The following SYT13 variants were observed in gnomAD, a reference collection of about 807,000 sequenced individuals.
SYT13 encodes the protein synaptotagmin-13.
Under a neutral mutation model 38.6 loss-of-function variants are expected in SYT13, and 21 were observed. The observed-to-expected ratio is 0.54, with a 90% CI of 0.39 to 0.78. The LOEUF (loss-of-function observed/expected upper bound fraction) is 0.78, where lower values mean the gene tolerates loss of function less well. Among genes scored for constraint, SYT13 ranks in the 30% least tolerant of loss-of-function variants. The probability of loss-of-function intolerance (pLI) is 0.00; values close to 1 mark genes in which losing one functional copy is unlikely to be tolerated. For missense variants in SYT13, 495 were observed against 548.7 expected (o/e 0.90, Z 0.98); for synonymous variants, 241 against 237.6 (o/e 1.01, Z -0.13).
intron 1 of SYT13, among the ~76,000 whole-genome samples, chr11:45,276,369 G>A (rs1475507236): frequency 6.6e-6 from 1 of 152,190 alleles, no homozygotes; most frequent in Non-Finnish European, 1.5e-5. Flanking sequence ...ACTCATAAGT[G>A]AGAGTTGAAC....
intron 4 of SYT13, among the ~76,000 whole-genome samples, chr11:45,247,894 T>C (rs1374932235): frequency 1.3e-5 from 2 of 152,200 alleles, no homozygotes; most frequent in African/African-American, 4.8e-5. Context: ...AATATAGATA[T>C]CAGAGGATGA....
At chr11:45,272,993 T>A in intron 1 of SYT13, among the ~76,000 whole-genome samples, 1 of 152,198 alleles carries the variant, frequency 6.6e-6, no homozygotes, top group Non-Finnish European at 1.5e-5. Flanking sequence ...TTTATTATTA[T>A]TAATCATTAG....
intron 1 of SYT13, among the ~76,000 whole-genome samples, chr11:45,257,123 G>T (rs899445823): frequency 1.3e-5 from 2 of 152,114 alleles, no homozygotes; most frequent in Admixed American, 6.5e-5. Flanking sequence ...GGCCCTTTTC[G>T]CTTGGAACGA....
rs531296587 is a variant in SYT13, at chr11:45,243,815, C to T, written c.*237G>A. On this transcript the variant is annotated 3_prime_UTR_variant, in exon 6 of 6. Transcript: ENST00000020926. ...AGGCATAGGAACTGTATTTAATAAG[C>T]ACCTCCTTCAATAACACAGATGAGC... 8.0e-6 allele frequency: 4 copies of T among 503,094 alleles called. No individual in the cohort carries two copies. The highest frequency in any genetic ancestry group is 5.8e-5 in the African/African-American group (3 of 52,080). 31.2% of individuals were successfully genotyped at this position (503,094 alleles called of 1,614,324 possible). A position where few individuals can be genotyped will look rare whatever the true frequency, so the allele number is the denominator to read the frequency against.
intron 1 of SYT13, 100 bp downstream of exon 1, chr11:45,285,925 G>A (rs928100835): frequency 6.7e-6 from 10 of 1,484,168 alleles, no homozygotes; most frequent in Non-Finnish European, 9.1e-6. Flanking sequence ...AAGCTTTGTC[G>A]CGCAAAGATC....
rs139236137 is a variant in SYT13, at chr11:45,241,096, G to T, written c.*2956C>A. On this transcript the variant is annotated 3_prime_UTR_variant, in exon 6 of 6. Transcript: ENST00000020926. ...TTCATCTGTTGATTACATTTACATG[G>T]AGAGCAATGAGTTGCCATTAGGCAA... 6.6e-6 allele frequency: 1 copy of T among 152,188 alleles called. No homozygotes were observed. The highest frequency in any genetic ancestry group is 1.5e-5 in the Non-Finnish European group (1 of 68,040). The allele number at this position is 152,188 out of a possible 1,614,324, so 9.4% of individuals were successfully genotyped here. A position where few individuals can be genotyped will look rare whatever the true frequency, so the allele number is the denominator to read the frequency against.
rs1035423566 is a variant in SYT13, at chr11:45,244,244, C to T, written c.1089G>A (p.Glu363=). The change falls in exon 6 of 6, where the codon GAG becomes GAA. Residue 363 remains glutamate, a synonymous_variant. Transcript: ENST00000020926. Reference sequence around the variant, plus strand: ...AGGCCTGCAGCAGGTCGTCAGGCAGCTCAAACATGATCATCTCGTTCCACA... The same window carrying T: ...AGGCCTGCAGCAGGTCGTCAGGCAGTTCAAACATGATCATCTCGTTCCACA... ...NPVWNEMIMF[E]LPDDLLQASS... is the part of the protein sequence containing the mutation. 1.2e-6 allele frequency: 2 copies of T among 1,614,042 alleles called. No individual in the cohort carries two copies. Among genetic ancestry groups the T allele is most frequent in the South Asian group, 2.2e-5 (2 of 91,076 alleles).
rs900931279 is a variant in SYT13 at position 45,243,612 on chromosome 11, C to T, written c.*440G>A. The T allele has an allele frequency of 2.6e-5, 4 of 155,384 alleles. No individual in the cohort carries two copies. Among genetic ancestry groups the T allele is most frequent in the East Asian group, 1.9e-4 (1 of 5,276 alleles). The allele number at this position is 155,384 out of a possible 1,614,324, so 9.6% of individuals were successfully genotyped here. On this transcript the variant is annotated 3_prime_UTR_variant, in exon 6 of 6. Transcript: ENST00000020926. ...GCCCTGCATGGTGAGCTTGATTGAA[C>T]GCTGGCTAAGGTTTCTTTCCACCTG...
rs560893840 is a variant in SYT13 at position 45,273,263 on chromosome 11, A to G, written c.183+12762T>C. The stretch of plus-strand genomic sequence containing the variant: ...ACAGGACAGGGTGCCGAAGGGAGAC[A>G]GTGGCCTGACAGGATCTGAGCCTTT... On this transcript the variant is annotated intron_variant, in intron 1 of 5. Transcript: ENST00000020926. Among the ~76,000 whole-genome samples, 435 of 152,320 alleles carry G rather than the reference A, an allele frequency of 2.9e-3. 2 individuals are homozygous for G. The highest frequency in any genetic ancestry group is 4.2e-3 in the Non-Finnish European group (288 of 68,038).
At chr11:45,254,587 A>C in intron 2 of SYT13, 183 bp from the exon 3 acceptor site, 1 of 675,792 alleles carries the variant, frequency 1.5e-6, no homozygotes. Flanking sequence ...ATTAGGCTGC[A>C]TCTGTGTCCA....
intron 1 of SYT13, among the ~76,000 whole-genome samples, chr11:45,266,375 T>C (rs2135901500): frequency 6.6e-6 from 1 of 152,296 alleles, no homozygotes; most frequent in African/African-American, 2.4e-5. Flanking sequence ...ATATGAGTCT[T>C]TGTATTTGAT....
chr11:45,252,465 G>A lies in SYT13; in HGVS notation c.802C>T (p.Pro268Ser). The A allele has an allele frequency of 6.2e-7, 1 of 1,610,822 alleles. No individual in the cohort carries two copies. Among genetic ancestry groups the A allele is most frequent in the East Asian group, 2.2e-5 (1 of 44,822 alleles). ...TCGCCCCACTGGGCAGCCCCTAGAG[G>A]CACAGATGTCCCGTCCAGGCCCAGG... ...LRLGLDGTSV[P>S]LGAAQWGELK... is the part of the protein sequence containing the mutation. Residue 268 changes from proline (P) to serine (S), a missense_variant, in exon 4 of 6, where the codon CCT (proline) becomes TCT (serine). Transcript: ENST00000020926. This position sits in a 1 kb window ranked among gnomAD's most constrained non-coding sequence, Gnocchi z 4.3.
chr11:45,266,537 C>A (rs184570403), intron 1 of SYT13, among the ~76,000 whole-genome samples: 1 of 146,768 alleles, frequency 6.8e-6, no homozygotes, highest in Non-Finnish European at 1.5e-5. Flanking sequence ...CACACACATA[C>A]ACACATCCTA....
rs541449231 is a variant in SYT13 at position 45,244,899 on chromosome 11, C to T, written c.977-543G>A. Reference sequence around the variant, plus strand: ...CACCTTTGCTACATGACTTCATATCCTCACATCAAACCAGGTCCATGACAA... The same window carrying T: ...CACCTTTGCTACATGACTTCATATCTTCACATCAAACCAGGTCCATGACAA... On this transcript the variant is annotated intron_variant, in intron 5 of 5. Coordinates refer to ENST00000020926, the MANE Select transcript of SYT13 (RefSeq NM_020826.3). Among the ~76,000 whole-genome samples, 11 of 152,294 alleles carry T rather than the reference C, an allele frequency of 7.2e-5. No homozygotes were observed. The East Asian group carries it at 1.7e-3, about 24-fold the overall frequency.
intron 1 of SYT13, among the ~76,000 whole-genome samples, chr11:45,283,421 C>T (rs1565400787): frequency 6.6e-6 from 1 of 152,224 alleles, no homozygotes; most frequent in East Asian, 1.9e-4. Context: ...TTCCCTGGCT[C>T]TTGTCCTACT....
At chr11:45,282,579 G>A (rs1313210707) in intron 1 of SYT13, among the ~76,000 whole-genome samples, 3 of 152,200 alleles carry the variant, frequency 2.0e-5, no homozygotes, top group African/African-American at 7.2e-5. Flanking sequence ...GATTTAATAA[G>A]TACCATAATT....
intron 1 of SYT13, among the ~76,000 whole-genome samples, chr11:45,265,511 T>A (rs1408496676): frequency 6.6e-6 from 1 of 152,226 alleles, no homozygotes; most frequent in Non-Finnish European, 1.5e-5. Flanking sequence ...CAAATGTTCA[T>A]TTCTCACAGT....
intron 1 of SYT13, among the ~76,000 whole-genome samples, chr11:45,271,311 C>T (rs1184598161): frequency 6.6e-6 from 1 of 152,184 alleles, no homozygotes; most frequent in Non-Finnish European, 1.5e-5. Context: ...AATACCTGGA[C>T]TGTAGGCTAC....
intron 4 of SYT13, among the ~76,000 whole-genome samples, chr11:45,248,959 T>C (rs949073488): frequency 6.6e-6 from 1 of 152,224 alleles, no homozygotes; most frequent in Admixed American, 6.5e-5. Context: ...TGGTTTTCCC[T>C]GCCCCTCTCT....
Sources: allele counts gnomAD v4.1 joint callset (sites outside exome capture counted in the v4.1 genomes callset), GRCh38; gene constraint gnomAD v4.1.1; non-coding constraint Gnocchi (gnomAD v3.1); transcripts MANE v1.5; gene names NCBI Gene and HGNC (gene_info 2026-07-23, HGNC 2026-07-21).